KLHL22: variants seen among roughly 807,000 people sequenced by gnomAD.
KLHL22 encodes the protein kelch-like protein 22.
KLHL22 carries 18 observed loss-of-function variants against 60.7 expected under a neutral mutation model. That is an observed-to-expected ratio of 0.30 (90% CI 0.20 to 0.44). The LOEUF (loss-of-function observed/expected upper bound fraction) is 0.44. Ranked by LOEUF, KLHL22 falls within the 20% of genes least tolerant of loss-of-function variation. The pLI is 1.00. For synonymous variants in KLHL22, 355 were observed against 354.5 expected (o/e 1.00, Z -0.01); for missense variants, 596 against 852.3 (o/e 0.70, Z 3.74).
At chr22:20,487,191 A>G (rs2053600002) in intron 2 of KLHL22, among the ~76,000 whole-genome samples, 1 of 151,924 alleles carries the variant, frequency 6.6e-6, no homozygotes, top group Non-Finnish European at 1.5e-5. Context: ...AAGTTCTAGG[A>G]TTACAGGCGT....
At chr22:20,490,442 A>C (rs1426000874) in intron 1 of KLHL22, among the ~76,000 whole-genome samples, 1 of 152,158 alleles carries the variant, frequency 6.6e-6, no homozygotes, top group Admixed American at 6.5e-5. Flanking sequence ...AATGAAAAAA[A>C]CACACTGTTT....
chr22:20,462,523 T>G (rs1384943598), intron 4 of KLHL22, among the ~76,000 whole-genome samples: 1 of 144,118 alleles, frequency 6.9e-6, no homozygotes, highest in Non-Finnish European at 1.5e-5. Context: ...CCCAGCTAAT[T>G]TTTTTTTTTT....
chr22:20,462,293 A>AG (rs1174158676), intron 4 of KLHL22, among the ~76,000 whole-genome samples: 7 of 151,396 alleles, frequency 4.6e-5, no homozygotes, highest in Admixed American at 1.3e-4. Context: ...AAAAAAAAAA[A>AG]AATTAAATTT....
intron 1 of KLHL22, among the ~76,000 whole-genome samples, chr22:20,494,435 C>T (rs2146299683): frequency 6.6e-6 from 1 of 152,048 alleles, no homozygotes; most frequent in East Asian, 1.9e-4. Context: ...GGCTAGAGTG[C>T]AGTGGTAGGG....
chr22:20,476,589 A>G (rs541669387), intron 2 of KLHL22, among the ~76,000 whole-genome samples: 1 of 146,696 alleles, frequency 6.8e-6, no homozygotes, highest in South Asian at 2.2e-4. Flanking sequence ...AATTTTTTGT[A>G]TTTTTAGTAG....
rs116126127 is a variant in KLHL22 at position 20,466,567 on chromosome 22, G to A, written c.394-991C>T. Among the ~76,000 whole-genome samples the A allele has an allele frequency of 2.0e-3, 310 of 152,056 alleles. 1 individual carries two copies. Among genetic ancestry groups the A allele is most frequent in the African/African-American group, 7.1e-3 (293 of 41,482 alleles). ...AGAAACAAACCTGGCTTTTTCCCCC[G>A]CCAGAACATCCACCCTGGTTCCCTA... On this transcript the variant is annotated intron_variant, in intron 3 of 6. Transcript: ENST00000328879.
chr22:20,471,486 A>G lies in KLHL22; in HGVS notation c.257T>C (p.Met86Thr). The G allele has an allele frequency of 6.2e-7, 1 of 1,614,030 alleles. No individual in the cohort carries two copies. The highest frequency in any genetic ancestry group is 8.5e-7 in the Non-Finnish European group (1 of 1,179,954). Residue 86 changes from methionine (M) to threonine (T), a missense_variant, in exon 3 of 7, where the codon ATG (methionine) becomes ACG (threonine). Physicochemically the swap from Met to Thr is moderately conservative, Grantham distance 81. Coordinates refer to ENST00000328879, the MANE Select transcript of KLHL22 (RefSeq NM_032775.4). ...RGMFAGGLKE[M>T]EQEEVLIHGV... ...GTGGATCAGGACCTCTTCCTGTTCC[A>G]TCTCCTTCAATCCCCCAGCAAACAT... is the stretch of plus-strand genomic sequence containing the variant.
intron 5 of KLHL22, among the ~76,000 whole-genome samples, chr22:20,457,367 CA>C (rs2053079648): frequency 6.6e-6 from 1 of 152,080 alleles, no homozygotes; most frequent in South Asian, 2.1e-4. Context: ...CGCCACCCTT[CA>C]GGGGACCTAG....
Position 20,457,794 on chromosome 22 carries a change from G to A in KLHL22, c.1305+14C>T, listed in dbSNP as rs553100791. 6 of 1,573,998 alleles carry A rather than the reference G, an allele frequency of 3.8e-6. No individual in the cohort carries two copies. The highest frequency in any genetic ancestry group is 2.3e-5 in the South Asian group (2 of 86,648). The stretch of plus-strand genomic sequence containing the variant: ...ATTAGGCAGGAGAAGGCCCCTCTTC[G>A]AGGGCTTCCTTACCTCCCTCTTGAG... On this transcript the variant is annotated intron_variant, in intron 5 of 6. Transcript: ENST00000328879.
chr22:20,466,372 TAAA>T (rs361874), intron 3 of KLHL22, among the ~76,000 whole-genome samples: 32 of 70,610 alleles, frequency 4.5e-4, no homozygotes, highest in Admixed American at 9.2e-4. Flanking sequence ...AGACTCCGTC[TAAA>T]AAAAAAAAAA....
In KLHL22 at chr22:20,495,590, G is replaced by A. The variant is rs1182975982; in HGVS notation, c.-34+170C>T. ...CGCCGGCCGCGTCCCCGCCACGTCA[G>A]GCCGCGGGCTCTCCTCAGGTCGCCG... On this transcript the variant is annotated intron_variant, in intron 1 of 6. Coordinates refer to ENST00000328879, the MANE Select transcript of KLHL22 (RefSeq NM_032775.4). This position sits in a 1 kb window ranked among gnomAD's most constrained non-coding sequence, Gnocchi z 4.6. 3.3e-5 allele frequency among the ~76,000 whole-genome samples: 5 copies of A among 150,314 alleles called. No homozygotes were observed. The highest frequency in any genetic ancestry group is 6.6e-5 in the Admixed American group (1 of 15,112).
At chr22:20,494,527 C>A (rs1313434115) in intron 1 of KLHL22, among the ~76,000 whole-genome samples, 1 of 152,124 alleles carries the variant, frequency 6.6e-6, no homozygotes, top group East Asian at 1.9e-4. Flanking sequence ...ATTACAAGCA[C>A]GTGTCACCAC....
chr22:20,458,434 C>G (rs578214277), intron 4 of KLHL22, among the ~76,000 whole-genome samples: 145 of 147,844 alleles, frequency 9.8e-4, no homozygotes, highest in Non-Finnish European at 1.8e-3. Context: ...GTGCGCACCA[C>G]AACGCCCGCT....
At chr22:20,461,986 C>A (rs1341218561) in intron 4 of KLHL22, among the ~76,000 whole-genome samples, 3 of 151,730 alleles carry the variant, frequency 2.0e-5, no homozygotes, top group Non-Finnish European at 4.4e-5. Context: ...TAATCTCAGC[C>A]ACTCGGGAGG....
Position 20,495,538 on chromosome 22 carries a change from C to T in KLHL22, c.-34+222G>A, listed in dbSNP as rs2053755511. ...CCCCTGGCCGAGCGCCAGATCCCGG[C>T]CCCTACGCGCCCGCGCCCGGGGATC... is the stretch of plus-strand genomic sequence containing the variant. On this transcript the variant is annotated intron_variant, in intron 1 of 6. Coordinates refer to ENST00000328879, the MANE Select transcript of KLHL22 (RefSeq NM_032775.4). This position sits in a 1 kb window ranked among gnomAD's most constrained non-coding sequence, Gnocchi z 4.6. Among the ~76,000 whole-genome samples, 1 of 151,280 alleles carries T rather than the reference C, an allele frequency of 6.6e-6. No homozygotes were observed. Among genetic ancestry groups the T allele is most frequent in the Non-Finnish European group, 1.5e-5 (1 of 67,710 alleles).
intron 5 of KLHL22, 53 bp downstream of exon 5, chr22:20,457,755 T>C (rs2053085459): frequency 7.0e-7 from 1 of 1,436,308 alleles, no homozygotes; most frequent in Non-Finnish European, 9.5e-7. Flanking sequence ...TCTTTGCACA[T>C]CCTGGGGAAG....
At chr22:20,466,186 C>G (rs965486943) in intron 3 of KLHL22, among the ~76,000 whole-genome samples, 4 of 151,890 alleles carry the variant, frequency 2.6e-5, no homozygotes, top group Middle Eastern at 3.2e-3. Flanking sequence ...CCAGCCTGAC[C>G]AACATGGTGA....
intron 5 of KLHL22, chr22:20,450,409 T>A: frequency 6.7e-7 from 1 of 1,494,528 alleles, no homozygotes; most frequent in Non-Finnish European, 9.3e-7. Flanking sequence ...AAACAGTACA[T>A]GTGACATGGA....
At chr22:20,460,978 C>T (rs2053145851) in intron 4 of KLHL22, among the ~76,000 whole-genome samples, 2 of 152,324 alleles carry the variant, frequency 1.3e-5, no homozygotes, top group South Asian at 4.1e-4. Flanking sequence ...CCATGATGGG[C>T]TTAGTGCCCG....
Sources: gnomAD v4.1 joint callset for allele counts (sites outside exome capture counted in the v4.1 genomes callset) on GRCh38, gnomAD v4.1.1 for gene constraint, Gnocchi (gnomAD v3.1) non-coding constraint, MANE v1.5 for transcripts, NCBI Gene and HGNC (gene_info 2026-07-23, HGNC 2026-07-21) for gene names.